GALNT14: variants seen among roughly 807,000 people sequenced by gnomAD.
GALNT14 encodes polypeptide N-acetylgalactosaminyltransferase 14, also known as UDP-GalNAc:polypeptide N-acetylgalactosaminyltransferase 14.
In GALNT14, 60 loss-of-function variants were observed where a neutral mutation model predicts 77.5. The ratio of observed to expected loss-of-function variants is 0.77; its 90% CI spans 0.63 to 0.96. The LOEUF (loss-of-function observed/expected upper bound fraction) is 0.96, where lower values mean the gene tolerates loss of function less well. Ranked by LOEUF, GALNT14 falls within the 40% of genes least tolerant of loss-of-function variation. The probability of loss-of-function intolerance (pLI) is 0.00; values close to 1 mark genes in which losing one functional copy is unlikely to be tolerated. For missense variants in GALNT14, 710 were observed against 731.0 expected, an observed-to-expected ratio of 0.97 and a Z score of 0.33; for synonymous variants, 280 against 281.7, an observed-to-expected ratio of 0.99 and a Z score of 0.06.
chr2:31,036,495 T>C (rs1224749349), intron 1 of GALNT14, among the ~76,000 whole-genome samples: 2 of 152,226 alleles, frequency 1.3e-5, no homozygotes, highest in East Asian at 1.9e-4. Flanking sequence ...TTTATAATTA[T>C]TGCTTTATGT....
Position 30,974,672 on chromosome 2 carries a change from C to T in GALNT14, c.300-8370G>A, listed in dbSNP as rs75389503. Reference sequence around the variant, plus strand: ...CTTGGAAGTTACTTCCCCTGGGAAGCATTTCAGTCTCCCAAGGCTTTTCCA... The same window carrying T: ...CTTGGAAGTTACTTCCCCTGGGAAGTATTTCAGTCTCCCAAGGCTTTTCCA... On this transcript the variant is annotated intron_variant, in intron 2 of 14. Coordinates refer to ENST00000349752, the MANE Select transcript of GALNT14 (RefSeq NM_024572.4). 1.1e-4 allele frequency among the ~76,000 whole-genome samples: 17 copies of T among 152,344 alleles called. 2 individuals carry two copies. The East Asian group carries it at 3.3e-3, about 29-fold the overall frequency.
At chr2:31,057,744 C>A (rs1262246786) in intron 1 of GALNT14, among the ~76,000 whole-genome samples, 4 of 152,232 alleles carry the variant, frequency 2.6e-5, no homozygotes, top group Admixed American at 1.3e-4. Flanking sequence ...GATGGCTATG[C>A]TCCCTTGGCC....
At chr2:30,935,609 C>T (rs1337665584) in intron 9 of GALNT14, among the ~76,000 whole-genome samples, 13 of 152,146 alleles carry the variant, frequency 8.5e-5, no homozygotes, top group Admixed American at 6.5e-4. Flanking sequence ...CTGAGGGATG[C>T]GGCTTGGAGT....
intron 1 of GALNT14, among the ~76,000 whole-genome samples, chr2:31,107,915 A>T (rs2148621377): frequency 6.6e-6 from 1 of 152,300 alleles, no homozygotes; most frequent in Non-Finnish European, 1.5e-5. Flanking sequence ...AGCCAAAAAA[A>T]CAGCTGATTC....
intron 1 of GALNT14, among the ~76,000 whole-genome samples, chr2:31,030,776 TG>T (rs1672357204): frequency 6.6e-6 from 1 of 152,196 alleles, no homozygotes; most frequent in South Asian, 2.1e-4. Context: ...TTCCAGCCCC[TG>T]GAATATGAGA....
intron 1 of GALNT14, chr2:31,078,887 T>C: frequency 3.1e-6 from 4 of 1,285,446 alleles, no homozygotes; most frequent in Non-Finnish European, 4.1e-6. Flanking sequence ...CAAAGCAGGG[T>C]TTGGGGACCA....
chr2:31,089,757 A>G (rs1250352769), intron 1 of GALNT14, among the ~76,000 whole-genome samples: 2 of 152,050 alleles, frequency 1.3e-5, no homozygotes, highest in African/African-American at 4.8e-5. Context: ...AATGCTAGGG[A>G]GCCCATATTT....
intron 1 of GALNT14, among the ~76,000 whole-genome samples, chr2:31,015,365 C>T (rs939683074): frequency 1.1e-4 from 16 of 151,046 alleles, no homozygotes; most frequent in Admixed American, 6.6e-4. Flanking sequence ...TTAGTGACTA[C>T]AGCCTCTGCA....
intron 1 of GALNT14, among the ~76,000 whole-genome samples, chr2:31,121,656 CTGCCGCCCAA>C (rs778443939): frequency 2.0e-4 from 31 of 152,186 alleles, no homozygotes; most frequent in Non-Finnish European, 4.0e-4. Context: ...TCGCTGCCCA[CTGCCGCCCAA>C]TAATCTCCCT....
At chr2:31,004,244 G>A (rs1189861856) in intron 1 of GALNT14, among the ~76,000 whole-genome samples, 2 of 152,200 alleles carry the variant, frequency 1.3e-5, no homozygotes, top group Non-Finnish European at 2.9e-5. Flanking sequence ...CTAGGAGGCA[G>A]GGAGCCAGGT....
At chr2:31,133,099 C>T (rs1264602890) in intron 1 of GALNT14, among the ~76,000 whole-genome samples, 4 of 151,560 alleles carry the variant, frequency 2.6e-5, no homozygotes, top group Admixed American at 6.6e-5. Context: ...GCCCCCTACC[C>T]GCCAGATTAT....
At chr2:31,022,058 C>A (rs955719238) in intron 1 of GALNT14, among the ~76,000 whole-genome samples, 1 of 152,210 alleles carries the variant, frequency 6.6e-6, no homozygotes, top group Non-Finnish European at 1.5e-5. Context: ...AGAAAGATTC[C>A]GTCTTCCCTG....
intron 1 of GALNT14, among the ~76,000 whole-genome samples, chr2:31,127,084 G>A (rs1234577491): frequency 6.6e-6 from 1 of 152,176 alleles, no homozygotes; most frequent in African/African-American, 2.4e-5. Flanking sequence ...AAAGAGAAAA[G>A]AACATGTACT....
intron 1 of GALNT14, among the ~76,000 whole-genome samples, chr2:31,067,444 C>T (rs1675051204): frequency 6.6e-6 from 1 of 152,100 alleles, no homozygotes; most frequent in South Asian, 2.1e-4. Flanking sequence ...CACGACATCC[C>T]CGGACTTTGC....
chr2:30,917,076 C>CA (rs529653696), intron 13 of GALNT14, among the ~76,000 whole-genome samples: 2,834 of 19,824 alleles, frequency 0.14, 504 homozygotes, highest in Middle Eastern at 0.25. Context: ...GACTCCGTCT[C>CA]AAAAAAAAAA....
intron 1 of GALNT14, among the ~76,000 whole-genome samples, chr2:31,124,202 T>C (rs1359958832): frequency 5.3e-5 from 8 of 152,114 alleles, no homozygotes; most frequent in African/African-American, 1.9e-4. Context: ...CTCCAAGGAG[T>C]TCACCCATCT....
chr2:31,136,880 G>GCCCTCT (rs993566216), intron 1 of GALNT14, among the ~76,000 whole-genome samples: 2 of 152,080 alleles, frequency 1.3e-5, no homozygotes, highest in African/African-American at 4.8e-5. Flanking sequence ...CACACAGTAG[G>GCCCTCT]CCCTCTGTAC....
intron 1 of GALNT14, among the ~76,000 whole-genome samples, chr2:31,083,332 C>A (rs561447405): frequency 7.9e-5 from 12 of 152,312 alleles, no homozygotes; most frequent in African/African-American, 2.4e-4. Context: ...GGATATAGAA[C>A]TGAGTTTTTG....
chr2:30,943,100 C>A (rs559765335), intron 8 of GALNT14, among the ~76,000 whole-genome samples: 1 of 152,222 alleles, frequency 6.6e-6, no homozygotes, highest in South Asian at 2.1e-4. Flanking sequence ...CTGTGGACAC[C>A]TTAATCTCGG....
Sources: allele counts gnomAD v4.1 joint callset (sites outside exome capture counted in the v4.1 genomes callset), GRCh38; gene constraint gnomAD v4.1.1; transcripts MANE v1.5; gene names NCBI Gene and HGNC (gene_info 2026-07-23, HGNC 2026-07-21).